The following TERT variants were observed in gnomAD, a reference collection of about 807,000 sequenced individuals.
TERT encodes the protein telomerase catalytic subunit.
A neutral mutation model predicts 104.0 loss-of-function variants in TERT; 42 were observed. The observed-to-expected ratio is 0.40, with a 90% confidence interval of 0.32 to 0.52. TERT has a LOEUF of 0.52. TERT is among the 20% of genes least tolerant of loss of function. The probability of loss-of-function intolerance (pLI) is 0.43; values close to 1 mark genes in which losing one functional copy is unlikely to be tolerated. For synonymous variants in TERT, 781 were observed against 725.6 expected (o/e 1.08, Z -1.23); for missense variants, 1,101 against 1,610.3 (o/e 0.68, Z 5.41).
intron 2 of TERT, 106 bp downstream of exon 2, chr5:1,293,207 C>A (rs989283402): frequency 7.0e-7 from 1 of 1,429,668 alleles, no homozygotes. Context: ...CGTGTGCCCA[C>A]GTGACGATGG....
chr5:1,257,388 A>G lies in TERT; in HGVS notation c.3032+1210T>C, dbSNP rs778615648. 3.9e-5 allele frequency among the ~76,000 whole-genome samples: 6 copies of G among 152,066 alleles called. No homozygotes were observed. The highest frequency in any genetic ancestry group is 8.8e-5 in the Non-Finnish European group (6 of 68,002). On this transcript the variant is annotated intron_variant, in intron 13 of 15. Transcript: ENST00000310581. The surrounding 1 kb of genome is among the most constrained non-coding windows in gnomAD (Gnocchi z 5.6). ...CGCCAGCTGGACCCTGGGGTCAACC[A>G]CAGTGTCAGACACCTCCAGTCCTCA...
In TERT at chr5:1,261,099, C is replaced by T. The variant is rs1748198090; in HGVS notation, c.2844-499G>A. ...GTGCACGTGGCACACATGGTGTCTC[C>T]AGAGGGGCAGGATGGAGGCATCCCA... On this transcript the variant is annotated intron_variant, in intron 11 of 15. Coordinates refer to ENST00000310581, the MANE Select transcript of TERT (RefSeq NM_198253.3). This position sits in a 1 kb window ranked among gnomAD's most constrained non-coding sequence, Gnocchi z 7.4. 6.6e-6 allele frequency among the ~76,000 whole-genome samples: 1 copy of T among 152,132 alleles called. No individual in the cohort carries two copies. Among genetic ancestry groups the T allele is most frequent in the African/African-American group, 2.4e-5 (1 of 41,432 alleles).
In TERT at chr5:1,271,016, C is replaced by T. The variant is rs1383374657; in HGVS notation, c.2468+103G>A. On this transcript the variant is annotated intron_variant, in intron 8 of 15. Transcript: ENST00000310581. ...CCAGAAAAGGAGACTCTGGTGGCCC[C>T]GGGCAGAAGGGCAGTGGGGAAGGGG... 16 of 945,408 alleles carry T rather than the reference C, an allele frequency of 1.7e-5. No homozygotes were observed. Among genetic ancestry groups the T allele is most frequent in the Non-Finnish European group, 2.5e-5 (15 of 601,106 alleles). The allele number at this position is 945,408 out of a possible 1,614,324, so 58.6% of individuals were successfully genotyped here. A position where few individuals can be genotyped will look rare whatever the true frequency, so the allele number is the denominator to read the frequency against.
Position 1,274,309 on chromosome 5 carries a change from G to A in TERT, c.2287-2029C>T, listed in dbSNP as rs1749380809. On this transcript the variant is annotated intron_variant, in intron 6 of 15. Coordinates refer to ENST00000310581, the MANE Select transcript of TERT (RefSeq NM_198253.3). This position sits in a 1 kb window ranked among gnomAD's most constrained non-coding sequence, Gnocchi z 5.3. ...GGAGCAGGCAACACGCCCACAAATA[G>A]CCCATGGGTCTGAGGTCGGCGGAAA... Among the ~76,000 whole-genome samples the A allele has an allele frequency of 6.6e-6, 1 of 152,198 alleles. No individual in the cohort carries two copies. The highest frequency in any genetic ancestry group is 1.5e-5 in the Non-Finnish European group (1 of 68,038).
chr5:1,259,873 A>G (rs1443644753), intron 12 of TERT, among the ~76,000 whole-genome samples: 1 of 142,500 alleles, frequency 7.0e-6, no homozygotes, highest in Non-Finnish European at 1.5e-5. Flanking sequence ...GGACAACCAC[A>G]GGAGAGAGGG....
In TERT at chr5:1,279,276, G is replaced by T. The variant is rs774111486; in HGVS notation, c.2130+15C>A. On this transcript the variant is annotated intron_variant, in intron 5 of 15. Transcript: ENST00000310581. ...AGGTCCAGCAGGGCTGCTCACGGGG[G>T]TCCCCGGCACCCACCTTGACAAAGT... is the stretch of plus-strand genomic sequence containing the variant. The T allele has an allele frequency of 1.3e-6, 2 of 1,564,706 alleles. No individual in the cohort carries two copies. Among genetic ancestry groups the T allele is most frequent in the Non-Finnish European group, 1.7e-6 (2 of 1,156,544 alleles).
chr5:1,257,250 G>C lies in TERT; in HGVS notation c.3032+1348C>G, dbSNP rs749931155. Among the ~76,000 whole-genome samples the C allele has an allele frequency of 7.2e-5, 11 of 152,272 alleles. No individual in the cohort carries two copies. In the South Asian group the frequency reaches 1.2e-3, roughly 17 times the overall value. On this transcript the variant is annotated intron_variant, in intron 13 of 15. Transcript: ENST00000310581. This position sits in a 1 kb window ranked among gnomAD's most constrained non-coding sequence, Gnocchi z 5.6. ...CTGGTGGGGAAATGAGGACAAGACT[G>C]AGCTGAATATGGGAGGAGCAGGTGG...
At chr5:1,276,836 T>A (rs1579572398) in intron 6 of TERT, among the ~76,000 whole-genome samples, 1 of 152,240 alleles carries the variant, frequency 6.6e-6, no homozygotes, top group African/African-American at 2.4e-5. Flanking sequence ...AAACAGCTGA[T>A]AAAGTGGACT....
At chr5:1,280,388 G>C (rs749176968) in intron 3 of TERT, 50 bp from the exon 4 acceptor site, 1 of 1,590,420 alleles carries the variant, frequency 6.3e-7, no homozygotes, top group Non-Finnish European at 8.5e-7. Flanking sequence ...CAACAGACTA[G>C]GGGGAAGCTC....
Position 1,293,332 on chromosome 5 carries a change from A to G in TERT, c.1554T>C (p.Ala518=), listed in dbSNP as rs1237190784. ...CCTCACCTGGGCTCCTGCGCAGCCA[A>G]GCGCAGTCCCGCACGCTCATCTTCC... ...LTWKMSVRDC[A]WLRRSPGVGC... The change falls in exon 2 of 16, where the codon GCT becomes GCC. Residue 518 remains alanine, a synonymous_variant. Transcript: ENST00000310581. 6.2e-7 allele frequency: 1 copy of G among 1,613,126 alleles called. No individual in the cohort carries two copies. Among genetic ancestry groups the G allele is most frequent in the Middle Eastern group, 1.6e-4 (1 of 6,062 alleles).
chr5:1,291,680 C>A (rs369172186), intron 2 of TERT, among the ~76,000 whole-genome samples: 1 of 148,640 alleles, frequency 6.7e-6, no homozygotes. Context: ...CAGGGACACC[C>A]GGGGGCCGCG....
rs1417324991 is a variant in TERT, at chr5:1,268,787, C to T, written c.2469-154G>A. 2.6e-5 allele frequency among the ~76,000 whole-genome samples: 4 copies of T among 152,186 alleles called. No homozygotes were observed. The highest frequency in any genetic ancestry group is 2.1e-4 in the South Asian group (1 of 4,836). On this transcript the variant is annotated intron_variant, in intron 8 of 15. Transcript: ENST00000310581. This position sits in a 1 kb window ranked among gnomAD's most constrained non-coding sequence, Gnocchi z 5.5. ...CACCTCAGAAACATACCAGATGAGA[C>T]CTCTGAACAAACAATCCCTGCTCCC... is the stretch of plus-strand genomic sequence containing the variant.
rs55942624 is a variant in TERT, at chr5:1,273,783, T to A, written c.2287-1503A>T. ...CCACAGTCACCACACATCAGACCCC[T>A]GTGACCAACCGCCATCCACAGTCAC... On this transcript the variant is annotated intron_variant, in intron 6 of 15. Transcript: ENST00000310581. 2.0e-4 allele frequency among the ~76,000 whole-genome samples: 3 copies of A among 14,922 alleles called. 1 individual carries two copies. The highest frequency in any genetic ancestry group is 1.6e-3 in the African/African-American group (2 of 1,260). The allele number at this position is 14,922 out of a possible 152,430, so 9.8% of individuals were successfully genotyped here. A position where few individuals can be genotyped will look rare whatever the true frequency, so the allele number is the denominator to read the frequency against.
At chr5:1,254,621 C>A in intron 14 of TERT, 116 bp from the exon 15 acceptor site, 2 of 1,248,548 alleles carry the variant, frequency 1.6e-6, no homozygotes. Context: ...CTGGCTGTCC[C>A]GACCCAAGCA....
intron 6 of TERT, among the ~76,000 whole-genome samples, chr5:1,273,649 G>A (rs1220279204): frequency 7.7e-5 from 2 of 25,822 alleles, no homozygotes; most frequent in Non-Finnish European, 1.4e-4. Flanking sequence ...GGGACCAACC[G>A]CCATCCACAG....
intron 6 of TERT, among the ~76,000 whole-genome samples, chr5:1,276,537 C>T (rs1384204810): frequency 6.9e-6 from 1 of 145,386 alleles, no homozygotes; most frequent in Non-Finnish European, 1.5e-5. Context: ...TCCCCACCTA[C>T]CCCGCACATG....
Position 1,258,662 on chromosome 5 carries a change from A to G in TERT, c.2971-3T>C, listed in dbSNP as rs765078035. 1.5e-5 allele frequency: 23 copies of G among 1,564,330 alleles called. No individual in the cohort carries two copies. Among genetic ancestry groups the G allele is most frequent in the Admixed American group, 3.8e-5 (2 of 52,626 alleles). On this transcript the variant is annotated splice_polypyrimidine_tract_variant and splice_region_variant and intron_variant, in intron 12 of 15. Coordinates refer to ENST00000310581, the MANE Select transcript of TERT (RefSeq NM_198253.3). ...CACACCGTCTGGAGGCTGTTCACCT[A>G]GAGTCGCCAAGAAAGAGTGAGAAAC... is the stretch of plus-strand genomic sequence containing the variant.
chr5:1,276,652 A>T (rs1048462278), intron 6 of TERT, among the ~76,000 whole-genome samples: 1 of 113,610 alleles, frequency 8.8e-6, no homozygotes, highest in Non-Finnish European at 2.3e-5. Flanking sequence ...CCACACATGA[A>T]AACCAATCCC....
rs1181591558 is a variant in TERT, at chr5:1,260,446, A to G, written c.2970+28T>C. 4 of 1,613,424 alleles carry G rather than the reference A, an allele frequency of 2.5e-6. No individual in the cohort carries two copies. In the South Asian group the frequency reaches 4.4e-5, roughly 18 times the overall value. ...TGCGCACACACCTCCTGAACTCTGA[A>G]CTCTGTGCTGACCATCAGCCTGCTC... On this transcript the variant is annotated intron_variant, in intron 12 of 15. Coordinates refer to ENST00000310581, the MANE Select transcript of TERT (RefSeq NM_198253.3).
Sources: allele counts gnomAD v4.1 joint callset (sites outside exome capture counted in the v4.1 genomes callset), GRCh38; gene constraint gnomAD v4.1.1; non-coding constraint Gnocchi (gnomAD v3.1); transcripts MANE v1.5; gene names NCBI Gene and HGNC (gene_info 2026-07-23, HGNC 2026-07-21).